Variants in RAB3C observed in about 807,000 individuals in gnomAD.
RAB3C encodes the protein RAB3C, member RAS oncogene family.
In RAB3C, 17 loss-of-function variants were observed where a neutral mutation model predicts 26.4. The observed-to-expected ratio is 0.64, with a 90% CI of 0.44 to 0.97. The LOEUF is 0.97. Ranked by LOEUF, RAB3C falls within the 50% of genes least tolerant of loss-of-function variation. RAB3C has a pLI of 0.00. For missense variants in RAB3C, 242 were observed against 281.9 expected (o/e 0.86, Z 1.01); for synonymous variants, 91 against 95.9 (o/e 0.95, Z 0.30).
upstream of RAB3C, among the ~76,000 whole-genome samples, chr5:58,582,880 G>C (rs998858156): frequency 6.6e-6 from 1 of 152,210 alleles, no homozygotes; most frequent in African/African-American, 2.4e-5. Flanking sequence ...GGAGCGTTTG[G>C]AAAGGAGTAG....
intron 1 of RAB3C, among the ~76,000 whole-genome samples, chr5:58,586,577 C>T (rs1239153012): frequency 6.6e-6 from 1 of 152,138 alleles, no homozygotes; most frequent in Non-Finnish European, 1.5e-5. Flanking sequence ...CACGTACTCT[C>T]TTACAGGACC....
intron 2 of RAB3C, among the ~76,000 whole-genome samples, chr5:58,680,077 G>A (rs1389387078): frequency 6.6e-6 from 1 of 152,146 alleles, no homozygotes; most frequent in Non-Finnish European, 1.5e-5. Flanking sequence ...CCTTGTTAAT[G>A]AATGGTAGTA....
rs138613624 is a variant in RAB3C, at chr5:58,615,816, C to G, written c.25-1827C>G. Among the ~76,000 whole-genome samples, 15 of 152,152 alleles carry G rather than the reference C, an allele frequency of 9.9e-5. No homozygotes were observed. In the East Asian group the frequency reaches 2.9e-3, roughly 29 times the overall value. ...AAATGCAATTTGAGTCTTTATTATCCTTAACTTTCATGAAATACCCACGGG... is the reference window on the plus strand; with the variant it reads ...AAATGCAATTTGAGTCTTTATTATCGTTAACTTTCATGAAATACCCACGGG... On this transcript the variant is annotated intron_variant, in intron 1 of 4. Transcript: ENST00000282878.
intron 1 of RAB3C, among the ~76,000 whole-genome samples, chr5:58,616,010 A>C (rs796496812): frequency 4.7e-5 from 7 of 149,484 alleles, no homozygotes; most frequent in African/African-American, 1.5e-4. Context: ...ACACACACAC[A>C]CCCCTGACTT....
intron 4 of RAB3C, among the ~76,000 whole-genome samples, chr5:58,826,346 C>T (rs764613307): frequency 1.3e-5 from 2 of 152,078 alleles, no homozygotes; most frequent in Non-Finnish European, 2.9e-5. Context: ...CACAGTCATG[C>T]ATGGACATTG....
At chr5:58,584,712 A>G (rs1200474182) in intron 1 of RAB3C, among the ~76,000 whole-genome samples, 1 of 152,208 alleles carries the variant, frequency 6.6e-6, no homozygotes, top group Non-Finnish European at 1.5e-5. Context: ...TACACAATAA[A>G]AAAGATTTCC....
chr5:58,671,177 C>T (rs17281110), intron 2 of RAB3C, among the ~76,000 whole-genome samples: 17,729 of 152,080 alleles, frequency 0.12, 1,152 homozygotes, highest in South Asian at 0.18. Flanking sequence ...TAATAATTGT[C>T]AAAAGCCTGA....
intron 2 of RAB3C, among the ~76,000 whole-genome samples, chr5:58,638,257 T>C (rs1314216403): frequency 6.6e-6 from 1 of 152,150 alleles, no homozygotes; most frequent in Non-Finnish European, 1.5e-5. Context: ...CTTTCATCTT[T>C]TGAGGTGTCT....
At chr5:58,601,134 G>A (rs932383206) in intron 1 of RAB3C, among the ~76,000 whole-genome samples, 4 of 151,970 alleles carry the variant, frequency 2.6e-5, no homozygotes, top group African/African-American at 9.7e-5. Context: ...TCTGTTATCT[G>A]GTGTATCACA....
intron 3 of RAB3C, among the ~76,000 whole-genome samples, chr5:58,798,640 G>T (rs921598884): frequency 6.6e-6 from 1 of 152,038 alleles, no homozygotes; most frequent in Non-Finnish European, 1.5e-5. Flanking sequence ...TTACCTTCAG[G>T]CTATGTGTAT....
chr5:58,801,251 A>G (rs1331224626), intron 3 of RAB3C, among the ~76,000 whole-genome samples: 1 of 152,238 alleles, frequency 6.6e-6, no homozygotes, highest in Non-Finnish European at 1.5e-5. Context: ...CAGGGTTCCA[A>G]GGATTACCTC....
chr5:58,603,871 T>A (rs1289123260), intron 1 of RAB3C, among the ~76,000 whole-genome samples: 1 of 152,226 alleles, frequency 6.6e-6, no homozygotes, highest in East Asian at 1.9e-4. Context: ...TTAGGGGTGT[T>A]GAAGAGCCTT....
chr5:58,681,428 G>A (rs1182640983), intron 2 of RAB3C, among the ~76,000 whole-genome samples: 11 of 152,212 alleles, frequency 7.2e-5, no homozygotes, highest in Non-Finnish European at 1.5e-4. Flanking sequence ...AGGAAAATTT[G>A]TATTGTGATG....
chr5:58,662,774 T>C (rs1025210425), intron 2 of RAB3C, among the ~76,000 whole-genome samples: 1 of 150,148 alleles, frequency 6.7e-6, no homozygotes, highest in African/African-American at 2.5e-5. Context: ...GATCAGCAGT[T>C]AATTGGGTGA....
chr5:58,664,066 A>G (rs1403788087), intron 2 of RAB3C, among the ~76,000 whole-genome samples: 1 of 152,180 alleles, frequency 6.6e-6, no homozygotes, highest in Non-Finnish European at 1.5e-5. Context: ...AACCCCATGA[A>G]GTCATGGAAT....
chr5:58,694,722 T>A (rs1748654375), intron 2 of RAB3C, among the ~76,000 whole-genome samples: 1 of 152,244 alleles, frequency 6.6e-6, no homozygotes, highest in Non-Finnish European at 1.5e-5. Flanking sequence ...GTTGGCTGCA[T>A]AGATGTCTTC....
At chr5:58,788,780 C>A (rs1334498995) in intron 3 of RAB3C, among the ~76,000 whole-genome samples, 1 of 152,166 alleles carries the variant, frequency 6.6e-6, no homozygotes, top group Admixed American at 6.5e-5. Flanking sequence ...AAGTAGGTGG[C>A]TCCATTTTGT....
chr5:58,594,654 C>T (rs1746210385), intron 1 of RAB3C, among the ~76,000 whole-genome samples: 1 of 152,022 alleles, frequency 6.6e-6, no homozygotes. Context: ...TGTTCCTATA[C>T]ATGACCTACC....
chr5:58,788,819 C>A (rs944883135), intron 3 of RAB3C, among the ~76,000 whole-genome samples: 2 of 152,154 alleles, frequency 1.3e-5, no homozygotes, highest in Non-Finnish European at 2.9e-5. Context: ...ATATTTGCTA[C>A]AGAAATCTCA....
Sources: allele counts gnomAD v4.1 joint callset (sites outside exome capture counted in the v4.1 genomes callset), GRCh38; gene constraint gnomAD v4.1.1; transcripts MANE v1.5; gene names NCBI Gene and HGNC (gene_info 2026-07-23, HGNC 2026-07-21).